The following GNB1L variants were observed in gnomAD, a reference collection of about 807,000 sequenced individuals.
The protein encoded by GNB1L is guanine nucleotide-binding protein subunit beta-like protein 1.
Under a neutral mutation model 29.1 loss-of-function variants are expected in GNB1L, and 20 were observed. The observed-to-expected ratio is 0.69, with a 90% CI of 0.48 to 1.00. The LOEUF (loss-of-function observed/expected upper bound fraction) is 1.00. Ranked by LOEUF, GNB1L falls within the 50% of genes least tolerant of loss-of-function variation. The pLI is 0.00. For synonymous variants in GNB1L, 193 were observed against 206.5 expected, an observed-to-expected ratio of 0.93 and a Z score of 0.56; for missense variants, 421 against 464.9, an observed-to-expected ratio of 0.91 and a Z score of 0.87.
chr22:19,849,693 C>T (rs1240920108), intron 2 of GNB1L: 2 of 985,368 alleles, frequency 2.0e-6, no homozygotes, highest in East Asian at 2.3e-4. Context: ...TAATCAGATG[C>T]TTGCTAATTA....
At chr22:19,808,936 T>G (rs1170331117) in intron 5 of GNB1L, among the ~76,000 whole-genome samples, 1 of 152,012 alleles carries the variant, frequency 6.6e-6, no homozygotes, top group South Asian at 2.1e-4. Flanking sequence ...GGGGAGGGTC[T>G]GGGAGGGTGT....
chr22:19,820,467 C>A, intron 4 of GNB1L, 131 bp downstream of exon 4: 2 of 998,210 alleles, frequency 2.0e-6, no homozygotes, highest in East Asian at 2.5e-5. Flanking sequence ...GCCCTTGCTG[C>A]GGACCCTTTG....
At chr22:19,850,319 TCA>T in intron 2 of GNB1L, 1 of 982,558 alleles carries the variant, frequency 1.0e-6, no homozygotes, top group Non-Finnish European at 1.2e-6. Flanking sequence ...GTGCTGAGGG[TCA>T]CAGTCTGCCA....
Position 19,785,990 on chromosome 22 carries a change from G to A in GNB1L, c.*2719C>T, listed in dbSNP as rs1171433164. On this transcript the variant is annotated 3_prime_UTR_variant, in exon 8 of 8. Transcript: ENST00000329517. The surrounding 1 kb of genome is among the most constrained non-coding windows in gnomAD (Gnocchi z 4.1). ...GCTCAAGAGAGGAACAGGACCAGGAGGGCTGCACTGCTCTTGGCCGGCTTG... is the reference window on the plus strand; with the variant it reads ...GCTCAAGAGAGGAACAGGACCAGGAAGGCTGCACTGCTCTTGGCCGGCTTG... The A allele has an allele frequency of 6.6e-6, 1 of 152,386 alleles. No homozygotes were observed. Among genetic ancestry groups the A allele is most frequent in the African/African-American group, 2.4e-5 (1 of 41,466 alleles). The allele number at this position is 152,386 out of a possible 1,614,324, so 9.4% of individuals were successfully genotyped here. A position where few individuals can be genotyped will look rare whatever the true frequency, so the allele number is the denominator to read the frequency against.
intron 4 of GNB1L, among the ~76,000 whole-genome samples, chr22:19,820,097 C>T (rs1217348709): frequency 1.3e-5 from 2 of 152,152 alleles, no homozygotes; most frequent in Non-Finnish European, 2.9e-5. Flanking sequence ...CCACCGGCAC[C>T]GTGTGTGACC....
intron 2 of GNB1L, among the ~76,000 whole-genome samples, chr22:19,832,948 C>T (rs1392113795): frequency 6.6e-6 from 1 of 152,198 alleles, no homozygotes; most frequent in African/African-American, 2.4e-5. Flanking sequence ...AGAACCAAAG[C>T]AGCATGTCAA....
At chr22:19,852,091 A>G (rs1222193578) in intron 2 of GNB1L, 1 of 1,614,234 alleles carries the variant, frequency 6.2e-7, no homozygotes, top group Non-Finnish European at 8.5e-7. Flanking sequence ...TCGTTCGCAC[A>G]CACACGGTGT....
chr22:19,788,716 C>T lies in GNB1L; in HGVS notation c.977G>A (p.Arg326His), dbSNP rs528459018. The change falls in exon 8 of 8, where the codon CGC (arginine) becomes CAC (histidine). Residue 326 changes from arginine to histidine, a missense_variant. Coordinates refer to ENST00000329517, the MANE Select transcript of GNB1L (RefSeq NM_053004.3). The stretch of plus-strand genomic sequence containing the variant: ...GGGAAGGGAGTGGGTGAGTCATGCG[C>T]GTGGGTAGAGTGACCAGAGGCTGAT... ...QRISLWSLYP[R>H]A The T allele has an allele frequency of 6.8e-6, 11 of 1,611,356 alleles. No homozygotes were observed. The highest frequency in any genetic ancestry group is 4.4e-5 in the South Asian group (4 of 90,972).
intron 7 of GNB1L, among the ~76,000 whole-genome samples, chr22:19,792,096 T>C (rs191162527): frequency 6.6e-6 from 1 of 152,380 alleles, no homozygotes; most frequent in Admixed American, 6.5e-5. Flanking sequence ...ATGTATCATT[T>C]ACCATGTCTG....
At chr22:19,821,595 A>G (rs1382210381) in intron 2 of GNB1L, among the ~76,000 whole-genome samples, 1 of 152,160 alleles carries the variant, frequency 6.6e-6, no homozygotes, top group Non-Finnish European at 1.5e-5. Context: ...AGCAGAGAGC[A>G]CAGAGCTCAC....
intron 7 of GNB1L, 24 bp from the exon 8 acceptor site, chr22:19,788,984 A>G: frequency 6.3e-7 from 1 of 1,579,350 alleles, no homozygotes; most frequent in Non-Finnish European, 8.6e-7. Context: ...GAGAGGTGTT[A>G]GGCCACTCCT....
At chr22:19,837,606 T>C (rs1039543345) in intron 2 of GNB1L, among the ~76,000 whole-genome samples, 1 of 152,240 alleles carries the variant, frequency 6.6e-6, no homozygotes, top group African/African-American at 2.4e-5. Flanking sequence ...GGAAAGCTTA[T>C]GAAGTAATTG....
intron 5 of GNB1L, among the ~76,000 whole-genome samples, chr22:19,808,049 A>G (rs142411835): frequency 0.021 from 3,168 of 152,298 alleles, 92 homozygotes; most frequent in African/African-American, 0.066. Context: ...GGGCCCCCAC[A>G]GCAGCTCAGC....
intron 6 of GNB1L, among the ~76,000 whole-genome samples, chr22:19,806,066 C>G (rs1033485526): frequency 1.3e-5 from 2 of 152,142 alleles, no homozygotes; most frequent in South Asian, 2.1e-4. Context: ...CCAGAAGAGT[C>G]CCTCCCAGCA....
chr22:19,820,217 C>T (rs1386661072), intron 4 of GNB1L, among the ~76,000 whole-genome samples: 1 of 152,180 alleles, frequency 6.6e-6, no homozygotes, highest in Admixed American at 6.5e-5. Flanking sequence ...TTCCCCTCCT[C>T]TCAGCAAATG....
At chr22:19,799,655 G>A (rs1202706733) in intron 7 of GNB1L, among the ~76,000 whole-genome samples, 2 of 152,258 alleles carry the variant, frequency 1.3e-5, no homozygotes, top group African/African-American at 4.8e-5. Flanking sequence ...GCTTCGGCAG[G>A]AGGGTGTGAG....
chr22:19,802,351 C>G (rs899094510), intron 6 of GNB1L, 135 bp from the exon 7 acceptor site: 16 of 689,344 alleles, frequency 2.3e-5, no homozygotes, highest in Non-Finnish European at 3.7e-5. Context: ...GTGGCTGCCA[C>G]AGCTCAGAAG....
intron 7 of GNB1L, among the ~76,000 whole-genome samples, chr22:19,798,938 G>A (rs754489049): frequency 5.9e-5 from 9 of 152,192 alleles, no homozygotes; most frequent in African/African-American, 1.9e-4. Flanking sequence ...ACATGTCCAC[G>A]CCCTGCACAA....
intron 2 of GNB1L, among the ~76,000 whole-genome samples, chr22:19,841,675 A>G (rs1937863546): frequency 6.6e-6 from 1 of 152,220 alleles, no homozygotes; most frequent in East Asian, 1.9e-4. Context: ...GTCAACTTTT[A>G]CACGCTTTTC....
Sources: gnomAD v4.1 joint callset for allele counts (sites outside exome capture counted in the v4.1 genomes callset) on GRCh38, gnomAD v4.1.1 for gene constraint, Gnocchi (gnomAD v3.1) non-coding constraint, MANE v1.5 for transcripts, NCBI Gene and HGNC (gene_info 2026-07-23, HGNC 2026-07-21) for gene names.